SNTG1: variants seen among roughly 807,000 people sequenced by gnomAD.
SNTG1 encodes gamma-1-syntrophin.
SNTG1 carries 39 observed loss-of-function variants against 74.7 expected under a neutral mutation model. That is an observed-to-expected ratio of 0.52 (90% CI 0.40 to 0.68). SNTG1 has a LOEUF of 0.68. SNTG1 is among the 30% of genes least tolerant of loss of function. The probability of loss-of-function intolerance (pLI) is 0.00; values close to 1 mark genes in which losing one functional copy is unlikely to be tolerated. For missense variants in SNTG1, 685 were observed against 609.5 expected (o/e 1.12, Z -1.30); for synonymous variants, 254 against 217.1 (o/e 1.17, Z -1.49).
intron 1 of SNTG1, among the ~76,000 whole-genome samples, chr8:50,114,087 T>G (rs899328891): frequency 1.3e-5 from 2 of 152,106 alleles, no homozygotes; most frequent in East Asian, 3.8e-4. Flanking sequence ...ATATTCGACA[T>G]AATAACTAAC....
rs147979792 is a variant in SNTG1, at chr8:50,632,569, C to T, written c.850-24340C>T. ...AAGTGATCCACCCACCTTGGCCTCC[C>T]AAAGTGCTGAGATTACAGGCATGAG... is the stretch of plus-strand genomic sequence containing the variant. On this transcript the variant is annotated intron_variant, in intron 13 of 18. Coordinates refer to ENST00000642720, the MANE Select transcript of SNTG1 (RefSeq NM_018967.5). Among the ~76,000 whole-genome samples, 1,283 of 152,114 alleles carry T rather than the reference C, an allele frequency of 8.4e-3. 4 individuals carry two copies. The highest frequency in any genetic ancestry group is 0.017 in the Middle Eastern group (5 of 294).
intron 13 of SNTG1, among the ~76,000 whole-genome samples, chr8:50,652,046 G>A (rs545147008): frequency 5.3e-4 from 80 of 152,038 alleles, no homozygotes; most frequent in African/African-American, 1.7e-3. Flanking sequence ...CACCACAACC[G>A]GCCTTAACTT....
At chr8:49,959,348 G>C (rs1196610623) in intron 1 of SNTG1, among the ~76,000 whole-genome samples, 2 of 152,086 alleles carry the variant, frequency 1.3e-5, no homozygotes, top group Non-Finnish European at 2.9e-5. Flanking sequence ...CACTGACTTG[G>C]AGCCCTCAGT....
intron 1 of SNTG1, among the ~76,000 whole-genome samples, chr8:50,045,179 T>C (rs1384872919): frequency 6.6e-6 from 1 of 152,196 alleles, no homozygotes; most frequent in Non-Finnish European, 1.5e-5. Flanking sequence ...TGTATTAGGC[T>C]GTTCTTTGCC....
chr8:50,152,006 G>C (rs1260651093), intron 1 of SNTG1, among the ~76,000 whole-genome samples: 1 of 152,100 alleles, frequency 6.6e-6, no homozygotes, highest in Non-Finnish European at 1.5e-5. Flanking sequence ...TGTTGACAGT[G>C]GGGTGTTAAA....
At chr8:50,634,659 G>A (rs1585909600) in intron 13 of SNTG1, among the ~76,000 whole-genome samples, 1 of 152,034 alleles carries the variant, frequency 6.6e-6, no homozygotes, top group African/African-American at 2.4e-5. Flanking sequence ...TCTTCATATT[G>A]TTTAGCTTTT....
At chr8:50,304,848 T>G (rs2089810408) in intron 2 of SNTG1, among the ~76,000 whole-genome samples, 1 of 152,144 alleles carries the variant, frequency 6.6e-6, no homozygotes, top group Admixed American at 6.6e-5. Context: ...TATTTGAACC[T>G]TATTCTCTGT....
chr8:50,643,352 C>G lies in SNTG1; in HGVS notation c.850-13557C>G, dbSNP rs140989126. Among the ~76,000 whole-genome samples, 1,192 of 152,278 alleles carry G rather than the reference C, an allele frequency of 7.8e-3. 19 individuals carry two copies. Among genetic ancestry groups the G allele is most frequent in the African/African-American group, 0.027 (1,107 of 41,562 alleles). ...TCTTGAAAGAAGCTTTTATAGCCAG[C>G]CCTCTGTGGTGACAAATCAGGGTAA... On this transcript the variant is annotated intron_variant, in intron 13 of 18. Transcript: ENST00000642720.
chr8:50,626,703 G>T (rs1415018381), intron 13 of SNTG1, among the ~76,000 whole-genome samples: 1 of 152,174 alleles, frequency 6.6e-6, no homozygotes, highest in Non-Finnish European at 1.5e-5. Flanking sequence ...CCTTTAAGCG[G>T]TTTTCTGCCT....
chr8:50,397,179 A>G (rs1034076594), intron 3 of SNTG1, among the ~76,000 whole-genome samples: 1 of 152,226 alleles, frequency 6.6e-6, no homozygotes, highest in South Asian at 2.1e-4. Context: ...TATAAAGTAC[A>G]AAATACATTC....
intron 1 of SNTG1, among the ~76,000 whole-genome samples, chr8:49,981,806 T>C (rs2130149179): frequency 6.6e-6 from 1 of 152,332 alleles, no homozygotes; most frequent in South Asian, 2.1e-4. Context: ...TTAAAAATAT[T>C]ACAAACAAAA....
At chr8:50,727,261 C>A (rs894958534) in intron 17 of SNTG1, among the ~76,000 whole-genome samples, 1 of 152,056 alleles carries the variant, frequency 6.6e-6, no homozygotes, top group African/African-American at 2.4e-5. Flanking sequence ...AGTAAAAGTG[C>A]TGACAATCCC....
In SNTG1 at chr8:50,088,952, A is replaced by C. The variant is rs997786057; in HGVS notation, c.-102-83609A>C. Among the ~76,000 whole-genome samples the C allele has an allele frequency of 4.0e-5, 6 of 151,586 alleles. No homozygotes were observed. In the East Asian group the frequency reaches 1.2e-3, roughly 30 times the overall value. The stretch of plus-strand genomic sequence containing the variant: ...AAAAAGAGCCCGCATGGCCAAGTCA[A>C]TCCTAAGCCAAAAGAACAAAGCTGG... On this transcript the variant is annotated intron_variant, in intron 1 of 18. Transcript: ENST00000642720.
chr8:50,779,778 G>A (rs912659314), intron 18 of SNTG1, among the ~76,000 whole-genome samples: 1 of 151,842 alleles, frequency 6.6e-6, no homozygotes, highest in African/African-American at 2.4e-5. Flanking sequence ...CCTGTCTTGT[G>A]CCAGTTTTCA....
chr8:50,402,475 T>G (rs527562859), intron 4 of SNTG1, 131 bp downstream of exon 4: 68 of 1,144,526 alleles, frequency 5.9e-5, no homozygotes, highest in Non-Finnish European at 7.9e-5. Flanking sequence ...AATTTTTGCT[T>G]ACATCATTAA....
chr8:50,328,276 T>C lies in SNTG1; in HGVS notation c.-27-65936T>C, dbSNP rs555042925. Among the ~76,000 whole-genome samples, 10 of 152,322 alleles carry C rather than the reference T, an allele frequency of 6.6e-5. No individual in the cohort carries two copies. The South Asian group carries it at 2.1e-3, about 32-fold the overall frequency. On this transcript the variant is annotated intron_variant, in intron 2 of 18. Transcript: ENST00000642720. ...CTGAGAAAATTTTAGCTTTCACTTT[T>C]GAAGGATAATTTTGCAAGATTCAGA...
intron 2 of SNTG1, among the ~76,000 whole-genome samples, chr8:50,194,886 G>A (rs1229437311): frequency 3.9e-5 from 6 of 152,074 alleles, no homozygotes; most frequent in African/African-American, 9.6e-5. Flanking sequence ...CATTCAGTTC[G>A]AAGAATTTTT....
rs1313076493 is a variant in SNTG1 at position 50,532,548 on chromosome 8, G to A, written c.549+2289G>A. Among the ~76,000 whole-genome samples, 4 of 152,210 alleles carry A rather than the reference G, an allele frequency of 2.6e-5. No individual in the cohort carries two copies. The South Asian group carries it at 8.3e-4, about 32-fold the overall frequency. ...CGTAAGTTGAGAGACTACAAACCAA[G>A]TGTGTGCTTTGTTGCTCGCACGGGA... On this transcript the variant is annotated intron_variant, in intron 10 of 18. Coordinates refer to ENST00000642720, the MANE Select transcript of SNTG1 (RefSeq NM_018967.5).
chr8:50,470,191 T>A (rs1216776720), intron 8 of SNTG1, among the ~76,000 whole-genome samples: 1 of 152,196 alleles, frequency 6.6e-6, no homozygotes, highest in Non-Finnish European at 1.5e-5. Flanking sequence ...CAAAATAGAA[T>A]GTTAACAAAG....
Sources: gnomAD v4.1 joint callset for allele counts (sites outside exome capture counted in the v4.1 genomes callset) on GRCh38, gnomAD v4.1.1 for gene constraint, MANE v1.5 for transcripts, NCBI Gene and HGNC (gene_info 2026-07-23, HGNC 2026-07-21) for gene names.